C2CD3: variants seen among roughly 807,000 people sequenced by gnomAD.
C2CD3 encodes C2 domain-containing protein 3.
C2CD3 carries 148 observed loss-of-function variants against 234.0 expected under a neutral mutation model. That is an observed-to-expected ratio of 0.63 (90% CI 0.55 to 0.72). The LOEUF is 0.72. Among genes scored for constraint, C2CD3 ranks in the 30% least tolerant of loss-of-function variants. C2CD3 has a pLI of 0.00. For synonymous variants in C2CD3, 1,000 were observed against 1,035.4 expected (o/e 0.97, Z 0.66); for missense variants, 2,577 against 2,811.5 (o/e 0.92, Z 1.89).
Position 74,130,153 on chromosome 11 carries a change from AG to A in C2CD3, c.1217+2690del, listed in dbSNP as rs1267810795. On this transcript the variant is annotated intron_variant, in intron 7 of 32. Coordinates refer to ENST00000334126, the MANE Select transcript of C2CD3 (RefSeq NM_001286577.2). Reference sequence around the variant, plus strand: ...AGGGAGAGGGAGAGGGAGAGGGGAGAGGGGAGAGGGGAGAGGGGCTGTTTGA... The same window carrying A: ...AGGGAGAGGGAGAGGGAGAGGGGAGAGGGAGAGGGGAGAGGGGCTGTTTGA... 7.8e-3 allele frequency among the ~76,000 whole-genome samples: 768 copies of A among 98,150 alleles called. 7 individuals carry two copies. Among genetic ancestry groups the A allele is most frequent in the African/African-American group, 0.03 (705 of 23,406 alleles). The allele number at this position is 98,150 out of a possible 152,430, so 64.4% of individuals were successfully genotyped here.
At chr11:74,109,416 T>C (rs896856506) in intron 11 of C2CD3, 2 of 354,308 alleles carry the variant, frequency 5.6e-6, no homozygotes, top group Non-Finnish European at 1.0e-5. Flanking sequence ...ATCATATGAG[T>C]ACTGGATGTG....
At chr11:74,044,030 C>T (rs1953222636) in intron 28 of C2CD3, among the ~76,000 whole-genome samples, 2 of 151,888 alleles carry the variant, frequency 1.3e-5, no homozygotes, top group Admixed American at 1.3e-4. Context: ...CACCATGTTG[C>T]CCATCTCTAT....
Position 74,114,537 on chromosome 11 carries a change from G to A in C2CD3, c.1577C>T (p.Thr526Ile), listed in dbSNP as rs375030806. The change falls in exon 10 of 33, where the codon ACA becomes ATA. Residue 526 changes from threonine (T) to isoleucine (I), a missense_variant. Transcript: ENST00000334126. ...SETPEDAQTM[T>I]LSVDRLALLG... ...AAGGGCCAGTCTATCCACACTTAGT[G>A]TCATCGTTTGGGCATCTTCTGGAGT... The A allele has an allele frequency of 7.6e-5, 123 of 1,613,812 alleles. No homozygotes were observed. Among genetic ancestry groups the A allele is most frequent in the Non-Finnish European group, 1.0e-4 (119 of 1,179,900 alleles).
intron 20 of C2CD3, among the ~76,000 whole-genome samples, chr11:74,090,424 T>A (rs1955841421): frequency 6.6e-6 from 1 of 152,152 alleles, no homozygotes. Flanking sequence ...CACTGGCTAC[T>A]ATGTTGAGAA....
Position 74,170,812 on chromosome 11 carries a change from TCAC to T in C2CD3, c.-23_-21del. 6.2e-7 allele frequency: 1 copy of T among 1,614,044 alleles called. No homozygotes were observed. The highest frequency in any genetic ancestry group is 8.5e-7 in the Non-Finnish European group (1 of 1,179,940). The stretch of plus-strand genomic sequence containing the variant: ...TTTCATGATGAGCCCGAGCTCTTCT[TCAC>T]CAGCTCAACTCCGTCTCCAGCACCT... On this transcript the variant is annotated 5_prime_UTR_variant, in exon 1 of 33. Coordinates refer to ENST00000334126, the MANE Select transcript of C2CD3 (RefSeq NM_001286577.2).
intron 32 of C2CD3, among the ~76,000 whole-genome samples, chr11:74,017,903 C>G (rs2135399181): frequency 6.6e-6 from 1 of 152,322 alleles, no homozygotes; most frequent in East Asian, 1.9e-4. Context: ...TCGAACAGGC[C>G]ACATGCTCCC....
chr11:74,124,277 A>AC (rs1957325906), intron 7 of C2CD3, among the ~76,000 whole-genome samples: 1 of 151,748 alleles, frequency 6.6e-6, no homozygotes, highest in Non-Finnish European at 1.5e-5. Context: ...TTTTTCCTTA[A>AC]TTTCTCAAGA....
intron 3 of C2CD3, among the ~76,000 whole-genome samples, chr11:74,150,315 TAA>T (rs1421691362): frequency 7.0e-6 from 1 of 142,742 alleles, no homozygotes. Flanking sequence ...TGTCTCTACT[TAA>T]AAAAAAAAAT....
intron 26 of C2CD3, among the ~76,000 whole-genome samples, chr11:74,050,358 T>C (rs1293440137): frequency 6.6e-6 from 1 of 152,238 alleles, no homozygotes; most frequent in African/African-American, 2.4e-5. Flanking sequence ...GGCTCTTCTC[T>C]ACATGGTAAG....
chr11:74,016,892 G>C (rs1429155967), intron 32 of C2CD3: 3 of 152,434 alleles, frequency 2.0e-5, no homozygotes, highest in East Asian at 1.9e-4. Flanking sequence ...CATGGAAGCA[G>C]GATCGTCGTA....
intron 9 of C2CD3, among the ~76,000 whole-genome samples, chr11:74,117,600 A>G (rs1438591480): frequency 1.3e-5 from 2 of 151,712 alleles, no homozygotes; most frequent in African/African-American, 2.4e-5. Context: ...AAGAGTGGGA[A>G]GAAGGTGAGG....
chr11:74,077,847 T>TATA (rs1955142439), intron 23 of C2CD3, among the ~76,000 whole-genome samples: 1 of 33,640 alleles, frequency 3.0e-5, no homozygotes, highest in Non-Finnish European at 4.9e-5. Flanking sequence ...ATATATATAT[T>TATA]ATCTCTTTAG....
intron 24 of C2CD3, among the ~76,000 whole-genome samples, chr11:74,060,614 TGG>T (rs1954189856): frequency 6.6e-6 from 1 of 152,212 alleles, no homozygotes; most frequent in Non-Finnish European, 1.5e-5. Flanking sequence ...AAACCCCATG[TGG>T]ACGTCACCAT....
chr11:74,117,042 G>GAATATATA (rs1956995375), intron 9 of C2CD3, among the ~76,000 whole-genome samples: 1 of 43,460 alleles, frequency 2.3e-5, no homozygotes, highest in African/African-American at 9.3e-5. Context: ...ATATATACGT[G>GAATATATA]TGTGTGTATA....
chr11:74,033,622 G>C lies in C2CD3; in HGVS notation c.6538C>G (p.Leu2180Val), dbSNP rs988699534. The C allele has an allele frequency of 1.7e-5, 26 of 1,536,070 alleles. No homozygotes were observed. The African/African-American group carries it at 3.6e-4, about 21-fold the overall frequency. Residue 2180 changes from leucine to valine, a missense_variant, in exon 31 of 33, where the codon CTC (leucine) becomes GTC (valine). Coordinates refer to ENST00000334126, the MANE Select transcript of C2CD3 (RefSeq NM_001286577.2). ...ANPQPIPCPT[L>V]SGAQQSSTFV... ...GTGCTGCTCTGTTGAGCTCCTGAGA[G>C]TGTTGGGCATGGGATGGGCTGAGGG...
chr11:74,084,943 C>T lies in C2CD3; in HGVS notation c.3938G>A (p.Cys1313Tyr), dbSNP rs757844537. Reference sequence around the variant, plus strand: ...TACTACTCCAAGCAGATACTCTTTGCATGACTCAATACTGATTATATCACT... The same window carrying T: ...TACTACTCCAAGCAGATACTCTTTGTATGACTCAATACTGATTATATCACT... The part of the protein sequence containing the change: ...SASDIISIES[C>Y]KEYLLGVVKV... The change falls in exon 22 of 33, where the codon TGC becomes TAC. Residue 1313 changes from cysteine to tyrosine, a missense_variant. Coordinates refer to ENST00000334126, the MANE Select transcript of C2CD3 (RefSeq NM_001286577.2). 3.7e-6 allele frequency: 6 copies of T among 1,611,298 alleles called. No homozygotes were observed. Among genetic ancestry groups the T allele is most frequent in the East Asian group, 2.2e-5 (1 of 44,860 alleles).
rs17132726 is a variant in C2CD3 at position 74,122,153 on chromosome 11, C to T, written c.1365+835G>A. Among the ~76,000 whole-genome samples the T allele has an allele frequency of 6.5e-4, 99 of 152,318 alleles. 1 individual carries two copies. The East Asian group carries it at 0.015, about 24-fold the overall frequency. On this transcript the variant is annotated intron_variant, in intron 8 of 32. Coordinates refer to ENST00000334126, the MANE Select transcript of C2CD3 (RefSeq NM_001286577.2). ...CAAATTCTCATCTAGTCAATTGGGT[C>T]CCTTGTAGCGCAAAAATGTGTTTTT...
chr11:74,143,509 C>T (rs1391443319), intron 3 of C2CD3, among the ~76,000 whole-genome samples: 1 of 148,828 alleles, frequency 6.7e-6, no homozygotes, highest in Non-Finnish European at 1.5e-5. Flanking sequence ...TGCACCACCA[C>T]ATCAAGCTAA....
At chr11:74,085,597 G>C in intron 21 of C2CD3, 21 bp downstream of exon 21, 1 of 1,611,420 alleles carries the variant, frequency 6.2e-7, no homozygotes, top group Non-Finnish European at 8.5e-7. Context: ...TTTTGATTGT[G>C]ACAAGTCATA....
Sources: gnomAD v4.1 joint callset for allele counts (sites outside exome capture counted in the v4.1 genomes callset) on GRCh38, gnomAD v4.1.1 for gene constraint, MANE v1.5 for transcripts, NCBI Gene and HGNC (gene_info 2026-07-23, HGNC 2026-07-21) for gene names.